Variants in RGS6 observed in about 807,000 individuals in gnomAD.
The protein encoded by RGS6 is regulator of G protein signaling 6, also known as regulator of G-protein signaling 6.
A neutral mutation model predicts 78.5 loss-of-function variants in RGS6; 30 were observed. The ratio of observed to expected loss-of-function variants is 0.38; its 90% CI spans 0.29 to 0.52. The LOEUF (loss-of-function observed/expected upper bound fraction) is 0.52. RGS6 is among the 20% of genes least tolerant of loss of function. The pLI, the probability that RGS6 is intolerant of heterozygous loss-of-function variation, is 0.85. For missense variants in RGS6, 495 were observed against 609.7 expected (o/e 0.81, Z 1.98); for synonymous variants, 206 against 206.0 (o/e 1.00, Z 0.00).
intron 2 of RGS6, among the ~76,000 whole-genome samples, chr14:72,086,451 A>G (rs976788389): frequency 1.6e-4 from 24 of 152,198 alleles, no homozygotes; most frequent in African/African-American, 4.8e-4. Context: ...TTGTAATACT[A>G]TGCAACCTTG....
intron 2 of RGS6, among the ~76,000 whole-genome samples, chr14:72,045,720 G>C (rs1262423809): frequency 6.6e-6 from 1 of 150,588 alleles, no homozygotes; most frequent in East Asian, 1.9e-4. Flanking sequence ...AAAAAAAAAA[G>C]CTCCCATAAT....
intron 2 of RGS6, among the ~76,000 whole-genome samples, chr14:72,069,508 A>T (rs1420819326): frequency 2.0e-5 from 3 of 151,928 alleles, no homozygotes; most frequent in Non-Finnish European, 4.4e-5. Flanking sequence ...TGTTTATTCT[A>T]TTTTTAAAAA....
the RGS6 span, among the ~76,000 whole-genome samples, chr14:71,896,354 C>A: frequency 6.6e-6 from 1 of 152,126 alleles, no homozygotes; most frequent in Non-Finnish European, 1.5e-5. Context: ...ATGCCTCCCC[C>A]TTTTAAGACC....
intron 12 of RGS6, among the ~76,000 whole-genome samples, 180 bp downstream of exon 12, chr14:72,478,509 T>G (rs921555973): frequency 6.6e-6 from 1 of 152,106 alleles, no homozygotes; most frequent in Admixed American, 6.5e-5. Flanking sequence ...AGACCTCCCT[T>G]GAGTGATGTC....
At position 71,945,297 on chromosome 14, in the gene RGS6, A is replaced by G. The variant is rs541161805; in HGVS notation, c.-21+12356A>G. Among the ~76,000 whole-genome samples, 11 of 152,314 alleles carry G rather than the reference A, an allele frequency of 7.2e-5. No individual in the cohort carries two copies. In the East Asian group the frequency reaches 2.1e-3, roughly 29 times the overall value. ...CCTCTGCTAGAATATACATTCCATAAAAGCAGGGACTCTTTTATTTCCTGT... is the reference window on the plus strand; with the variant it reads ...CCTCTGCTAGAATATACATTCCATAGAAGCAGGGACTCTTTTATTTCCTGT... On this transcript the variant is annotated intron_variant, in intron 1 of 17. Coordinates refer to ENST00000553525, the MANE Select transcript of RGS6 (RefSeq NM_001204424.2).
the RGS6 span, among the ~76,000 whole-genome samples, chr14:71,885,841 A>G: frequency 6.6e-6 from 1 of 150,848 alleles, no homozygotes; most frequent in Admixed American, 6.6e-5. Flanking sequence ...TCTGTTTAAT[A>G]CTAGTGGAAA....
In RGS6 at chr14:72,383,374, A is replaced by G. The variant is rs1412510737; in HGVS notation, c.184+31180A>G. Reference sequence around the variant, plus strand: ...GTGCTTTTTTGGATTGTGCCGACTCATAAATCTAACTGGGCTTTTAGTAGA... The same window carrying G: ...GTGCTTTTTTGGATTGTGCCGACTCGTAAATCTAACTGGGCTTTTAGTAGA... On this transcript the variant is annotated intron_variant, in intron 3 of 17. Transcript: ENST00000553525. Among the ~76,000 whole-genome samples the G allele has an allele frequency of 3.3e-5, 5 of 151,924 alleles. No homozygotes were observed. In the East Asian group the frequency reaches 9.6e-4, roughly 29 times the overall value.
chr14:71,990,614 A>G (rs1173568662), intron 2 of RGS6: 2 of 456,022 alleles, frequency 4.4e-6, no homozygotes, highest in South Asian at 3.1e-5. Flanking sequence ...CAATCTCTGC[A>G]TATTCCTTCT....
intron 2 of RGS6, among the ~76,000 whole-genome samples, chr14:72,289,054 A>G (rs1038886221): frequency 2.0e-4 from 31 of 152,164 alleles, no homozygotes; most frequent in African/African-American, 7.2e-4. Flanking sequence ...CATATACAAC[A>G]TGTCTACAAT....
chr14:72,001,181 C>T (rs1164521221), intron 2 of RGS6, among the ~76,000 whole-genome samples: 2 of 152,236 alleles, frequency 1.3e-5, no homozygotes, highest in East Asian at 1.9e-4. Context: ...CGCGGTGGCC[C>T]TGCTAAATTG....
chr14:72,016,091 G>A (rs74060449), intron 2 of RGS6, among the ~76,000 whole-genome samples: 1 of 151,806 alleles, frequency 6.6e-6, no homozygotes, highest in Non-Finnish European at 1.5e-5. Flanking sequence ...TTTGTGGCTT[G>A]TACTTTTTTA....
At chr14:72,556,039 G>A (rs1275755644) in intron 17 of RGS6, among the ~76,000 whole-genome samples, 1 of 152,106 alleles carries the variant, frequency 6.6e-6, no homozygotes, top group African/African-American at 2.4e-5. Flanking sequence ...GGGATAGGTG[G>A]GTCCTTTTAC....
At chr14:72,231,113 A>T (rs1200940522) in intron 2 of RGS6, among the ~76,000 whole-genome samples, 1 of 152,124 alleles carries the variant, frequency 6.6e-6, no homozygotes. Flanking sequence ...GGAGATCTTG[A>T]CGTTGCTGTC....
At chr14:72,382,693 C>G (rs1052985209) in intron 3 of RGS6, among the ~76,000 whole-genome samples, 4 of 152,118 alleles carry the variant, frequency 2.6e-5, no homozygotes, top group Admixed American at 6.5e-5. Flanking sequence ...CCAGGCATGA[C>G]GTTTGGCTCT....
At chr14:72,419,459 T>C (rs1283971472) in intron 3 of RGS6, among the ~76,000 whole-genome samples, 2 of 152,194 alleles carry the variant, frequency 1.3e-5, no homozygotes, top group African/African-American at 4.8e-5. Context: ...ACTGCCGGCC[T>C]GAATTGTAGG....
At chr14:71,974,443 TTCTG>T (rs1275646105) in intron 2 of RGS6, among the ~76,000 whole-genome samples, 10 of 152,282 alleles carry the variant, frequency 6.6e-5, no homozygotes, top group Admixed American at 2.0e-4. Context: ...AGTGATATCT[TTCTG>T]GTAAATAATA....
intron 1 of RGS6, among the ~76,000 whole-genome samples, chr14:71,962,927 A>G (rs2093303470): frequency 6.6e-6 from 1 of 152,154 alleles, no homozygotes; most frequent in African/African-American, 2.4e-5. Context: ...TCTGTCACGT[A>G]TGGTATTTAT....
intron 11 of RGS6, among the ~76,000 whole-genome samples, 179 bp from the exon 12 acceptor site, chr14:72,478,089 A>C (rs1489235345): frequency 6.6e-6 from 1 of 152,208 alleles, no homozygotes; most frequent in Non-Finnish European, 1.5e-5. Flanking sequence ...TGAATCTTGT[A>C]TGATAGGGAT....
intron 2 of RGS6, among the ~76,000 whole-genome samples, chr14:72,295,109 G>A (rs916217625): frequency 6.6e-6 from 1 of 151,752 alleles, no homozygotes; most frequent in Non-Finnish European, 1.5e-5. Context: ...GGCTAAAACG[G>A]TGAAACCCCG....
Sources: gnomAD v4.1 joint callset for allele counts (sites outside exome capture counted in the v4.1 genomes callset) on GRCh38, gnomAD v4.1.1 for gene constraint, MANE v1.5 for transcripts, NCBI Gene and HGNC (gene_info 2026-07-23, HGNC 2026-07-21) for gene names.